The following AK4 variants were observed in gnomAD, a reference collection of about 807,000 sequenced individuals.
AK4 encodes the protein adenylate kinase 4, mitochondrial.
In AK4, 13 loss-of-function variants were observed where a neutral mutation model predicts 24.6. The observed-to-expected ratio is 0.53, with a 90% CI of 0.34 to 0.84. AK4 has a LOEUF of 0.84. AK4 is among the 40% of genes least tolerant of loss of function. The pLI is 0.01. For missense variants in AK4, 192 were observed against 288.2 expected, an observed-to-expected ratio of 0.67 and a Z score of 2.42; for synonymous variants, 88 against 107.0, an observed-to-expected ratio of 0.82 and a Z score of 1.10.
At chr1:65,152,692 C>T (rs956798377) in intron 1 of AK4, among the ~76,000 whole-genome samples, 1 of 152,020 alleles carries the variant, frequency 6.6e-6, no homozygotes, top group Non-Finnish European at 1.5e-5. Flanking sequence ...AGCCACCGCA[C>T]CTGGCCTCTG....
intron 4 of AK4, 145 bp from the exon 5 acceptor site, chr1:65,225,918 T>C: frequency 1.2e-6 from 1 of 800,554 alleles, no homozygotes; most frequent in Non-Finnish European, 2.0e-6. Context: ...GAGGTGTTGA[T>C]ACCTTTGAAA....
At chr1:65,174,928 T>A (rs1235122601) in intron 1 of AK4, among the ~76,000 whole-genome samples, 1 of 152,240 alleles carries the variant, frequency 6.6e-6, no homozygotes, top group Non-Finnish European at 1.5e-5. Context: ...GCTTATTTAT[T>A]TTTTCTTTTT....
At chr1:65,213,788 C>A (rs1408453067) in intron 2 of AK4, among the ~76,000 whole-genome samples, 1 of 152,142 alleles carries the variant, frequency 6.6e-6, no homozygotes, top group Non-Finnish European at 1.5e-5. Context: ...AACTGCCCCC[C>A]CAGTACCTCA....
chr1:65,162,697 A>C (rs1570071689), intron 1 of AK4, among the ~76,000 whole-genome samples: 1 of 152,062 alleles, frequency 6.6e-6, no homozygotes, highest in African/African-American at 2.4e-5. Flanking sequence ...AAGTGTAAAA[A>C]TCAGAGGTTT....
At chr1:65,209,299 A>G (rs1651903879) in intron 2 of AK4, among the ~76,000 whole-genome samples, 1 of 152,230 alleles carries the variant, frequency 6.6e-6, no homozygotes, top group Non-Finnish European at 1.5e-5. Flanking sequence ...TTCTTCAACA[A>G]TTAATGGAAT....
At chr1:65,224,496 A>G (rs919718461) in intron 3 of AK4, among the ~76,000 whole-genome samples, 7 of 152,212 alleles carry the variant, frequency 4.6e-5, no homozygotes, top group African/African-American at 1.7e-4. Flanking sequence ...ACCATTTATC[A>G]ACAGCACTGG....
At chr1:65,150,469 A>G (rs1649734679) in intron 1 of AK4, among the ~76,000 whole-genome samples, 1 of 152,156 alleles carries the variant, frequency 6.6e-6, no homozygotes, top group South Asian at 2.1e-4. Context: ...ACTTTATCAA[A>G]GAAAGAAGAA....
At chr1:65,171,766 G>A (rs372561271) in intron 1 of AK4, among the ~76,000 whole-genome samples, 20 of 151,930 alleles carry the variant, frequency 1.3e-4, no homozygotes, top group African/African-American at 4.8e-4. Context: ...CAAAGAAGTG[G>A]AATCTAATTA....
chr1:65,155,039 C>T lies in AK4; in HGVS notation c.145+6487C>T, dbSNP rs190034251. On this transcript the variant is annotated intron_variant, in intron 1 of 4. Coordinates refer to ENST00000327299, the MANE Select transcript of AK4 (RefSeq NM_013410.4). ...CTAATTTTTGTATTTTTAATAGAGA[C>T]GGGGTTTCACCATGTTGGCCAGGCT... Among the ~76,000 whole-genome samples the T allele has an allele frequency of 1.7e-3, 262 of 151,284 alleles. 1 individual carries two copies. Among genetic ancestry groups the T allele is most frequent in the African/African-American group, 6.2e-3 (254 of 41,228 alleles).
intron 1 of AK4, among the ~76,000 whole-genome samples, chr1:65,190,456 G>T (rs879941054): frequency 6.9e-6 from 1 of 144,704 alleles, no homozygotes; most frequent in Non-Finnish European, 1.5e-5. Flanking sequence ...TTTTGGGGGG[G>T]GGGCGGGAGG....
At chr1:65,186,621 C>T (rs1015159099) in intron 1 of AK4, among the ~76,000 whole-genome samples, 19 of 152,136 alleles carry the variant, frequency 1.2e-4, no homozygotes, top group Non-Finnish European at 2.6e-4. Context: ...ATGCAAAATA[C>T]ACATTTTGGT....
Position 65,226,368 on chromosome 1 carries a change from C to G in AK4, c.*191C>G, listed in dbSNP as rs374408153. The stretch of plus-strand genomic sequence containing the variant: ...AGGCCCTCCTCTGCCTTTCAAAAGG[C>G]TGGTCACCTACACATGTTTAAGGTG... On this transcript the variant is annotated 3_prime_UTR_variant, in exon 5 of 5. Transcript: ENST00000327299. The G allele has an allele frequency of 2.8e-5, 24 of 856,858 alleles. No homozygotes were observed. The highest frequency in any genetic ancestry group is 3.7e-4 in the Middle Eastern group (1 of 2,710). 53.1% of individuals were successfully genotyped at this position (856,858 alleles called of 1,614,324 possible).
At chr1:65,206,163 A>AC (rs923672242) in intron 2 of AK4, among the ~76,000 whole-genome samples, 4 of 151,568 alleles carry the variant, frequency 2.6e-5, no homozygotes, top group Admixed American at 2.0e-4. Context: ...CTATCCCTCC[A>AC]CCCCCAGTGC....
chr1:65,171,495 C>T (rs138422467), intron 1 of AK4, among the ~76,000 whole-genome samples: 2,113 of 151,490 alleles, frequency 0.014, 34 homozygotes, highest in East Asian at 0.084. Flanking sequence ...TCAGTAGAGA[C>T]GGGGTTTCAC....
intron 1 of AK4, among the ~76,000 whole-genome samples, chr1:65,182,704 A>G (rs1286356355): frequency 6.6e-6 from 1 of 152,206 alleles, no homozygotes; most frequent in African/African-American, 2.4e-5. Context: ...CAGCGTCAAG[A>G]AACTAAGGTA....
intron 1 of AK4, among the ~76,000 whole-genome samples, chr1:65,157,118 C>T (rs1650009848): frequency 6.6e-6 from 1 of 152,094 alleles, no homozygotes. Flanking sequence ...ACTTTATTGT[C>T]ATATCTGGTT....
chr1:65,216,770 C>T (rs2101081520), intron 2 of AK4, among the ~76,000 whole-genome samples: 1 of 143,382 alleles, frequency 7.0e-6, no homozygotes, highest in Admixed American at 6.7e-5. Flanking sequence ...TTGTAGCTCA[C>T]TGCAGCCTTG....
chr1:65,179,334 A>C (rs1438486150), intron 1 of AK4, among the ~76,000 whole-genome samples: 1 of 152,184 alleles, frequency 6.6e-6, no homozygotes, highest in African/African-American at 2.4e-5. Context: ...AATGCTCACA[A>C]ACATTGAGAG....
rs190465961 is a variant in AK4, at chr1:65,165,334, A to C, written c.145+16782A>C. On this transcript the variant is annotated intron_variant, in intron 1 of 4. Transcript: ENST00000327299. ...TGAGTAGCAGGTGGAAACATGTGAAAGCAGGGTATTTTTGATGTAGGTATC... is the reference window on the plus strand; with the variant it reads ...TGAGTAGCAGGTGGAAACATGTGAACGCAGGGTATTTTTGATGTAGGTATC... 2.4e-3 allele frequency among the ~76,000 whole-genome samples: 372 copies of C among 152,284 alleles called. 4 individuals carry two copies. The highest frequency in any genetic ancestry group is 0.024 in the Admixed American group (360 of 15,282).
Sources: gnomAD v4.1 joint callset for allele counts (sites outside exome capture counted in the v4.1 genomes callset) on GRCh38, gnomAD v4.1.1 for gene constraint, MANE v1.5 for transcripts, NCBI Gene and HGNC (gene_info 2026-07-23, HGNC 2026-07-21) for gene names.